ENDOV: variants seen among roughly 807,000 people sequenced by gnomAD.
ENDOV encodes hEndoV.
In ENDOV, 37 loss-of-function variants were observed where a neutral mutation model predicts 39.4. That is an observed-to-expected ratio of 0.94 (90% CI 0.72 to 1.23). The LOEUF is 1.23. Ranked by LOEUF, ENDOV falls within the 50% of genes most tolerant of loss-of-function variation. The pLI is 0.00. For synonymous variants in ENDOV, 186 were observed against 163.4 expected, an observed-to-expected ratio of 1.14 and a Z score of -1.05; for missense variants, 441 against 375.7, an observed-to-expected ratio of 1.17 and a Z score of -1.44.
Position 80,429,775 on chromosome 17 carries a change from G to A in ENDOV, c.782G>A (p.Ser261Asn), listed in dbSNP as rs34292553. 73 of 1,598,834 alleles carry A rather than the reference G, an allele frequency of 4.6e-5. No individual in the cohort carries two copies. In the African/African-American group the frequency reaches 8.1e-4, roughly 18 times the overall value. ...LGLPGPPTPR[S>N]PKAQRPVACP... The stretch of plus-strand genomic sequence containing the variant: ...CCCTTTCTCAATGTCATCACCAGGA[G>A]CCCGAAGGCGCAGAGGCCAGTGGCA... The change falls in exon 9 of 10, where the codon AGC (serine) becomes AAC (asparagine). Residue 261 changes from serine (S) to asparagine (N), a missense_variant and splice_region_variant. By Grantham distance (46) the Ser-to-Asn change is conservative. Coordinates refer to ENST00000518137, the MANE Select transcript of ENDOV (RefSeq NM_173627.5).
chr17:80,424,967 C>T (rs1305618463), intron 5 of ENDOV, 65 bp from the exon 6 acceptor site: 5 of 1,394,726 alleles, frequency 3.6e-6, no homozygotes, highest in African/African-American at 2.9e-5. Flanking sequence ...AAAATAGAGA[C>T]TTGCCTTCAG....
At position 80,425,632 on chromosome 17, in the gene ENDOV, G is replaced by A. The variant is rs1408899045; in HGVS notation, c.714+12G>A. The A allele has an allele frequency of 6.4e-7, 1 of 1,569,358 alleles. No homozygotes were observed. The highest frequency in any genetic ancestry group is 8.6e-7 in the Non-Finnish European group (1 of 1,165,020). ...AGCCCGTGCGCCAGGTGGGTGTGCT[G>A]GGGATGCGGGGAGGCAGCACAGGCT... On this transcript the variant is annotated intron_variant, in intron 7 of 9. Coordinates refer to ENST00000518137, the MANE Select transcript of ENDOV (RefSeq NM_173627.5).
At chr17:80,428,115 C>T (rs1398490004) in intron 7 of ENDOV, among the ~76,000 whole-genome samples, 2 of 152,226 alleles carry the variant, frequency 1.3e-5, no homozygotes, top group Non-Finnish European at 2.9e-5. Context: ...CCTCTTTTAT[C>T]TTGGTGATTC....
intron 5 of ENDOV, 35 bp from the exon 6 acceptor site, chr17:80,424,997 G>A (rs746273249): frequency 1.9e-6 from 3 of 1,576,290 alleles, no homozygotes; most frequent in Non-Finnish European, 2.6e-6. Flanking sequence ...AAGAAGAGAG[G>A]GGTTTTTTTC....
intron 2 of ENDOV, among the ~76,000 whole-genome samples, chr17:80,419,220 G>A (rs1446749850): frequency 6.6e-6 from 1 of 151,964 alleles, no homozygotes; most frequent in African/African-American, 2.4e-5. Flanking sequence ...CACTTACTGG[G>A]GGAAAAACTC....
chr17:80,415,737 C>A lies in ENDOV; in HGVS notation c.144C>A (p.Val48=). Residue 48 remains valine (V), a synonymous_variant, in exon 2 of 10, where the codon GTC becomes GTA. Coordinates refer to ENST00000518137, the MANE Select transcript of ENDOV (RefSeq NM_173627.5). ...CCGCCTTCTCGGGTCTGCAGAGGGT[C>A]GGGGGCGTTGACGTGTCCTTCGTGA... The part of the protein sequence containing the change: ...RDPAFSGLQR[V]GGVDVSFVKG... The A allele has an allele frequency of 6.2e-7, 1 of 1,607,842 alleles. No homozygotes were observed. Among genetic ancestry groups the A allele is most frequent in the Non-Finnish European group, 8.5e-7 (1 of 1,177,318 alleles).
chr17:80,435,996 C>T, intron 9 of ENDOV, 137 bp from the exon 10 acceptor site: 2 of 927,398 alleles, frequency 2.2e-6, no homozygotes, highest in Non-Finnish European at 3.3e-6. Flanking sequence ...CTCAAGCTTT[C>T]CTCCCACCTC....
chr17:80,428,771 C>T, intron 8 of ENDOV, 111 bp downstream of exon 8: 2 of 1,063,514 alleles, frequency 1.9e-6, no homozygotes, highest in Non-Finnish European at 2.8e-6. Flanking sequence ...TCAGGACAGA[C>T]AGTGCAGGGC....
At chr17:80,419,193 A>G (rs1470511604) in intron 2 of ENDOV, among the ~76,000 whole-genome samples, 2 of 149,338 alleles carry the variant, frequency 1.3e-5, no homozygotes, top group African/African-American at 2.5e-5. Context: ...AAAAAAACAG[A>G]TTCCAGAGCC....
chr17:80,427,748 C>T (rs758250112), intron 7 of ENDOV: 19 of 1,289,376 alleles, frequency 1.5e-5, no homozygotes, highest in Admixed American at 2.3e-5. Flanking sequence ...CCTGGCTCCG[C>T]GCCGGGCCGT....
rs1599453687 is a variant in ENDOV, at chr17:80,429,792, C to T, written c.799C>T (p.Pro267Ser). Residue 267 changes from proline (P) to serine (S), a missense_variant, in exon 9 of 10, where the codon CCA becomes TCA. Pro to Ser is a moderately conservative substitution (Grantham distance 74). Transcript: ENST00000518137. ...PTPRSPKAQR[P>S]VACPKGDSGE... is the part of the protein sequence containing the mutation. ...CACCAGGAGCCCGAAGGCGCAGAGGCCAGTGGCATGCCCCAAAGGAGACTC... is the reference window on the plus strand; with the variant it reads ...CACCAGGAGCCCGAAGGCGCAGAGGTCAGTGGCATGCCCCAAAGGAGACTC... The T allele has an allele frequency of 6.2e-7, 1 of 1,610,770 alleles. No homozygotes were observed. The highest frequency in any genetic ancestry group is 1.3e-5 in the African/African-American group (1 of 74,940).
At chr17:80,427,583 T>C in intron 7 of ENDOV, 1 of 1,086,822 alleles carries the variant, frequency 9.2e-7, no homozygotes, top group Non-Finnish European at 1.1e-6. Context: ...TTCTTACTGT[T>C]GGGCGTGAGC....
intron 7 of ENDOV, 139 bp from the exon 8 acceptor site, chr17:80,428,457 T>G: frequency 3.7e-6 from 3 of 813,912 alleles, no homozygotes; most frequent in Non-Finnish European, 5.9e-6. Context: ...CCGCGGCTCC[T>G]GAGCCTGAAG....
chr17:80,425,233 C>A (rs2082546837), intron 6 of ENDOV, 133 bp downstream of exon 6: 2 of 882,236 alleles, frequency 2.3e-6, no homozygotes, highest in Middle Eastern at 3.3e-4. Context: ...GTCCATCCAT[C>A]CTCCTGCCTC....
At position 80,425,564 on chromosome 17, in the gene ENDOV, G is replaced by A. The variant is rs370766897; in HGVS notation, c.658G>A (p.Ala220Thr). The A allele has an allele frequency of 1.8e-5, 29 of 1,591,944 alleles. No individual in the cohort carries two copies. In the East Asian group the frequency reaches 3.9e-4, roughly 21 times the overall value. The change falls in exon 7 of 10, where the codon GCT (alanine) becomes ACT (threonine). Residue 220 changes from alanine to threonine, a missense_variant. By Grantham distance (58) the Ala-to-Thr change is moderately conservative. Transcript: ENST00000518137. ...GGGCCACAGGATGAGCCTGGAGGCC[G>A]CTGTGCGCCTGACTTGCTGCTGCTG... ...SVGHRMSLEA[A>T]VRLTCCCCRF...
At chr17:80,422,157 G>A (rs751608150) in intron 3 of ENDOV, 49 bp from the exon 4 acceptor site, 1 of 1,611,798 alleles carries the variant, frequency 6.2e-7, no homozygotes, top group Non-Finnish European at 8.5e-7. Flanking sequence ...CCTGTCCTGA[G>A]GGCCGAGGGG....
chr17:80,421,761 G>A (rs1471013203), intron 2 of ENDOV, 67 bp from the exon 3 acceptor site: 3 of 1,540,644 alleles, frequency 1.9e-6, no homozygotes, highest in Non-Finnish European at 2.6e-6. Flanking sequence ...GCAGGGCATG[G>A]ACGGACTGGG....
intron 5 of ENDOV, among the ~76,000 whole-genome samples, chr17:80,424,760 C>T (rs1380464640): frequency 6.6e-6 from 1 of 152,154 alleles, no homozygotes; most frequent in African/African-American, 2.4e-5. Flanking sequence ...TCGAGACCAT[C>T]CTGGCTAGCA....
intron 7 of ENDOV, among the ~76,000 whole-genome samples, chr17:80,426,693 C>T (rs765021074): frequency 8.5e-5 from 13 of 152,290 alleles, no homozygotes; most frequent in South Asian, 2.1e-4. Context: ...AAGGTGTGGC[C>T]GGAGCCAGAT....
Sources: gnomAD v4.1 joint callset for allele counts (sites outside exome capture counted in the v4.1 genomes callset) on GRCh38, gnomAD v4.1.1 for gene constraint, MANE v1.5 for transcripts, NCBI Gene and HGNC (gene_info 2026-07-23, HGNC 2026-07-21) for gene names.